The following BTN2A2 variants were observed in gnomAD, a reference collection of about 807,000 sequenced individuals.
BTN2A2 encodes butyrophilin subfamily 2 member A2.
A neutral mutation model predicts 34.7 loss-of-function variants in BTN2A2; 29 were observed. The ratio of observed to expected loss-of-function variants is 0.84; its 90% CI spans 0.62 to 1.14. The LOEUF is 1.14. Ranked by LOEUF, BTN2A2 falls within the 50% of genes most tolerant of loss-of-function variation. The probability of loss-of-function intolerance (pLI) is 0.00; values close to 1 mark genes in which losing one functional copy is unlikely to be tolerated. For synonymous variants in BTN2A2, 240 were observed against 253.1 expected (o/e 0.95, Z 0.49); for missense variants, 612 against 651.5 (o/e 0.94, Z 0.66).
At chr6:26,392,280 C>T (rs1252855637) in intron 7 of BTN2A2, 95 bp from the exon 8 acceptor site, 2 of 1,594,270 alleles carry the variant, frequency 1.3e-6, no homozygotes, top group Non-Finnish European at 1.7e-6. Flanking sequence ...ATGGGGAACC[C>T]CCTTCAGCTT....
At chr6:26,390,978 T>A in intron 7 of BTN2A2, 149 bp downstream of exon 7, 2 of 1,189,312 alleles carry the variant, frequency 1.7e-6, no homozygotes, top group Non-Finnish European at 2.5e-6. Context: ...CCAGCAATGA[T>A]GCATCATGGC....
intron 7 of BTN2A2, chr6:26,391,933 T>C (rs1258676402): frequency 5.4e-5 from 24 of 446,216 alleles, no homozygotes; most frequent in South Asian, 5.0e-4. Flanking sequence ...TGTGTAATGA[T>C]AGACTCACTT....
chr6:26,388,666 C>A (rs1002113053), intron 4 of BTN2A2, among the ~76,000 whole-genome samples: 12 of 152,134 alleles, frequency 7.9e-5, no homozygotes, highest in African/African-American at 2.7e-4. Flanking sequence ...TGGGACTTCC[C>A]AAAGGACAGA....
rs1156803991 is a variant in BTN2A2, at chr6:26,394,354, G to GGT, written c.*1392_*1393dup. The GGT allele has an allele frequency of 1.4e-6, 1 of 699,506 alleles. No individual in the cohort carries two copies. Among genetic ancestry groups the GGT allele is most frequent in the Non-Finnish European group, 2.6e-6 (1 of 384,174 alleles). The allele number at this position is 699,506 out of a possible 1,614,324, so 43.3% of individuals were successfully genotyped here. A position where few individuals can be genotyped will look rare whatever the true frequency, so the allele number is the denominator to read the frequency against. On this transcript the variant is annotated 3_prime_UTR_variant, in exon 8 of 8. Transcript: ENST00000356709. The stretch of plus-strand genomic sequence containing the variant: ...GACAGCTGGTACAACATTATTTCTG[G>GGT]GTGTGTCTGTGAGTGTGTTTCCAGA...
At chr6:26,385,728 T>C (rs1732834733) in intron 3 of BTN2A2, among the ~76,000 whole-genome samples, 1 of 152,114 alleles carries the variant, frequency 6.6e-6, no homozygotes, top group South Asian at 2.1e-4. Context: ...TTTTTGCATT[T>C]TTTTAGTAGA....
At chr6:26,387,141 A>C (rs1761252495) in intron 3 of BTN2A2, among the ~76,000 whole-genome samples, 1 of 152,202 alleles carries the variant, frequency 6.6e-6, no homozygotes, top group Non-Finnish European at 1.5e-5. Flanking sequence ...CTGAATTATT[A>C]GGATTTTTGG....
chr6:26,390,594 A>G (rs1761514330), intron 5 of BTN2A2, 93 bp from the exon 6 acceptor site: 2 of 1,517,922 alleles, frequency 1.3e-6, no homozygotes, highest in South Asian at 2.3e-5. Context: ...TGGTGTTCAT[A>G]GAAAGGATGG....
Position 26,390,047 on chromosome 6 carries a change from C to T in BTN2A2, c.767C>T (p.Ala256Val). ...PSASPWMVAL[A>V]VILTASPWMV... ...GCATCTCCCTGGATGGTGGCCCTAGCTGTCATCCTGACCGCATCTCCCTGG... is the reference window on the plus strand; with the variant it reads ...GCATCTCCCTGGATGGTGGCCCTAGTTGTCATCCTGACCGCATCTCCCTGG... The change falls in exon 5 of 8, where the codon GCT becomes GTT. Residue 256 changes from alanine to valine, a missense_variant. Physicochemically the swap from Ala to Val is moderately conservative, Grantham distance 64. Coordinates refer to ENST00000356709, the MANE Select transcript of BTN2A2 (RefSeq NM_006995.5). 3 of 1,614,134 alleles carry T rather than the reference C, an allele frequency of 1.9e-6. No homozygotes were observed. Among genetic ancestry groups the T allele is most frequent in the South Asian group, 1.1e-5 (1 of 91,088 alleles).
chr6:26,394,309 A>G lies in BTN2A2; in HGVS notation c.*1342A>G. The G allele has an allele frequency of 1.4e-6, 1 of 700,724 alleles. No individual in the cohort carries two copies. The highest frequency in any genetic ancestry group is 2.6e-6 in the Non-Finnish European group (1 of 384,768). The allele number at this position is 700,724 out of a possible 1,614,324, so 43.4% of individuals were successfully genotyped here. ...CTGGTTAATTTTAGATGTCAACCTG[A>G]CTGGATTAAGGAATACCTAGACAGC... On this transcript the variant is annotated 3_prime_UTR_variant, in exon 8 of 8. Transcript: ENST00000356709.
At position 26,385,034 on chromosome 6, in the gene BTN2A2, G is replaced by A. The variant is rs1375670109; in HGVS notation, c.114G>A (p.Gly38=). Residue 38 remains glycine (G), a synonymous_variant, in exon 3 of 8, where the codon GGG becomes GGA. Transcript: ENST00000356709. ...ALVSAQFTVV[G]PANPILAMVG... ...GAACAGCCCAGTTTACTGTCGTGGG[G>A]CCAGCTAATCCCATCCTGGCCATGG... 1.2e-6 allele frequency: 2 copies of A among 1,613,792 alleles called. No individual in the cohort carries two copies. Among genetic ancestry groups the A allele is most frequent in the Admixed American group, 1.7e-5 (1 of 60,006 alleles).
Position 26,392,478 on chromosome 6 carries a change from C to T in BTN2A2, c.1083C>T (p.Asn361=), listed in dbSNP as rs777271690. 6.2e-6 allele frequency: 10 copies of T among 1,614,218 alleles called. No homozygotes were observed. The highest frequency in any genetic ancestry group is 1.6e-4 in the Middle Eastern group (1 of 6,062). The change falls in exon 8 of 8, where the codon AAC becomes AAT. Residue 361 remains asparagine, a synonymous_variant. Transcript: ENST00000356709. The part of the protein sequence containing the change: ...RGPYRQRVPD[N]PERFDSQPCV... ...CCTACAGGCAGAGAGTGCCTGACAA[C>T]CCAGAGAGATTCGACAGTCAGCCTT... is the stretch of plus-strand genomic sequence containing the variant.
chr6:26,386,173 G>A (rs1470143006), intron 3 of BTN2A2, among the ~76,000 whole-genome samples: 1 of 152,104 alleles, frequency 6.6e-6, no homozygotes, highest in East Asian at 1.9e-4. Context: ...CAGAAACAAA[G>A]TTATCTATAA....
intron 4 of BTN2A2, among the ~76,000 whole-genome samples, chr6:26,389,698 C>A (rs7756881): frequency 6.6e-6 from 1 of 151,990 alleles, no homozygotes; most frequent in Non-Finnish European, 1.5e-5. Context: ...GTATTCCAGG[C>A]GTGAGTGATG....
rs1326306746 is a variant in BTN2A2, at chr6:26,393,605, A to C, written c.*638A>C. 2.0e-6 allele frequency: 2 copies of C among 1,001,968 alleles called. No individual in the cohort carries two copies. The highest frequency in any genetic ancestry group is 3.5e-5 in the African/African-American group (2 of 57,356). 62.1% of individuals were successfully genotyped at this position (1,001,968 alleles called of 1,614,324 possible). A position where few individuals can be genotyped will look rare whatever the true frequency, so the allele number is the denominator to read the frequency against. On this transcript the variant is annotated 3_prime_UTR_variant, in exon 8 of 8. Coordinates refer to ENST00000356709, the MANE Select transcript of BTN2A2 (RefSeq NM_006995.5). ...GAAGATGAATGAAGAACATGGACTC[A>C]TGTGGATGTGGTTTGGCTCAGATGT...
At chr6:26,391,978 A>G in intron 7 of BTN2A2, 1 of 541,606 alleles carries the variant, frequency 1.8e-6, no homozygotes, top group Non-Finnish European at 3.3e-6. Context: ...GGGGAACAAT[A>G]GGAGATAAAG....
chr6:26,390,626 G>A, intron 5 of BTN2A2, 61 bp from the exon 6 acceptor site: 1 of 1,609,566 alleles, frequency 6.2e-7, no homozygotes, highest in Admixed American at 1.7e-5. Context: ...TTTAATACAA[G>A]CTCAATTTCT....
chr6:26,393,035 C>G lies in BTN2A2; in HGVS notation c.*68C>G, dbSNP rs1285677839. ...CATCTCAGCAGCCACCGCACAACCC[C>G]CCTAATGAAAGACACGCCCTCCTCC... On this transcript the variant is annotated 3_prime_UTR_variant, in exon 8 of 8. Transcript: ENST00000356709. 4.3e-6 allele frequency: 7 copies of G among 1,612,786 alleles called. No homozygotes were observed. The highest frequency in any genetic ancestry group is 1.6e-4 in the Middle Eastern group (1 of 6,078).
chr6:26,385,575 G>T, intron 3 of BTN2A2: 1 of 534,994 alleles, frequency 1.9e-6, no homozygotes, highest in South Asian at 2.2e-5. Context: ...TTTCAAGACA[G>T]AGTCTTGCTA....
In BTN2A2 at chr6:26,392,688, C is replaced by T. The variant is rs772898690; in HGVS notation, c.1293C>T (p.Ser431=). Reference sequence around the variant, plus strand: ...TTGGAAACCAATACCGGGCCCTGTCCTCCCCTGAGAGGATTCTCCCTTTGA... The same window carrying T: ...TTGGAAACCAATACCGGGCCCTGTCTTCCCCTGAGAGGATTCTCCCTTTGA... ...EMFGNQYRAL[S]SPERILPLKE... Residue 431 remains serine (S), a synonymous_variant, in exon 8 of 8, where the codon TCC becomes TCT. Coordinates refer to ENST00000356709, the MANE Select transcript of BTN2A2 (RefSeq NM_006995.5). 6 of 1,614,218 alleles carry T rather than the reference C, an allele frequency of 3.7e-6. No homozygotes were observed. The highest frequency in any genetic ancestry group is 1.6e-4 in the Middle Eastern group (1 of 6,062).
Sources: gnomAD v4.1 joint callset for allele counts (sites outside exome capture counted in the v4.1 genomes callset) on GRCh38, gnomAD v4.1.1 for gene constraint, MANE v1.5 for transcripts, NCBI Gene and HGNC (gene_info 2026-07-23, HGNC 2026-07-21) for gene names.